NCAM1: variants seen among roughly 807,000 people sequenced by gnomAD.
NCAM1 encodes the protein neural cell adhesion molecule 1, also known as antigen recognized by monoclonal antibody 5.1H11.
Under a neutral mutation model 109.8 loss-of-function variants are expected in NCAM1, and 14 were observed. The observed-to-expected ratio is 0.13, with a 90% confidence interval of 0.08 to 0.20. NCAM1 has a LOEUF of 0.20. Among genes scored for constraint, NCAM1 ranks in the 10% least tolerant of loss-of-function variants. The pLI is 1.00. For synonymous variants in NCAM1, 418 were observed against 442.9 expected (o/e 0.94, Z 0.70); for missense variants, 774 against 1,109.9 (o/e 0.70, Z 4.30).
intron 1 of NCAM1, among the ~76,000 whole-genome samples, chr11:113,057,441 T>C (rs533911725): frequency 2.0e-5 from 3 of 151,978 alleles, no homozygotes; most frequent in Admixed American, 6.6e-5. Flanking sequence ...AAGGGGACCA[T>C]GGAAGAATTT....
chr11:113,236,249 G>T, intron 14 of NCAM1: 4 of 1,595,358 alleles, frequency 2.5e-6, no homozygotes, highest in Admixed American at 3.4e-5. Context: ...TTTTTCTTGG[G>T]TCTGTCTCTT....
At chr11:113,118,311 T>A (rs1307581242) in intron 1 of NCAM1, among the ~76,000 whole-genome samples, 2 of 151,956 alleles carry the variant, frequency 1.3e-5, no homozygotes, top group East Asian at 3.9e-4. Flanking sequence ...AGCTGTTCTT[T>A]TAGCCTGACA....
At chr11:113,220,573 A>G (rs1944656320) in intron 8 of NCAM1, among the ~76,000 whole-genome samples, 1 of 149,454 alleles carries the variant, frequency 6.7e-6, no homozygotes, top group Non-Finnish European at 1.5e-5. Flanking sequence ...AAATCCAAAG[A>G]AGGAGACCTA....
At chr11:113,181,718 G>T (rs1943340150) in intron 1 of NCAM1, among the ~76,000 whole-genome samples, 1 of 152,158 alleles carries the variant, frequency 6.6e-6, no homozygotes, top group Non-Finnish European at 1.5e-5. Context: ...TTACTATGTG[G>T]TTGTAATCCA....
intron 17 of NCAM1, 34 bp downstream of exon 17, chr11:113,260,357 T>C: frequency 6.3e-7 from 1 of 1,599,520 alleles, no homozygotes; most frequent in Non-Finnish European, 8.5e-7. Flanking sequence ...TTGTTTCCGC[T>C]TTGAATTAAT....
intron 14 of NCAM1, among the ~76,000 whole-genome samples, chr11:113,245,296 G>T (rs747115314): frequency 6.6e-6 from 1 of 152,150 alleles, no homozygotes; most frequent in Admixed American, 6.5e-5. Flanking sequence ...AGAAAAATTA[G>T]CTGGGTATAG....
At chr11:113,237,571 C>T (rs1476447744) in intron 14 of NCAM1, among the ~76,000 whole-genome samples, 2 of 152,154 alleles carry the variant, frequency 1.3e-5, no homozygotes, top group African/African-American at 2.4e-5. Flanking sequence ...TAAGCAAGTT[C>T]GAGAGGAGCC....
intron 1 of NCAM1, among the ~76,000 whole-genome samples, chr11:113,199,789 A>T (rs1307004326): frequency 6.6e-6 from 1 of 151,230 alleles, no homozygotes; most frequent in African/African-American, 2.4e-5. Context: ...ATAATAATAA[A>T]AAAAAGAATA....
At chr11:113,183,364 G>C (rs1371760743) in intron 1 of NCAM1, among the ~76,000 whole-genome samples, 2 of 152,100 alleles carry the variant, frequency 1.3e-5, no homozygotes, top group Non-Finnish European at 2.9e-5. Context: ...AGATTGACCA[G>C]GCATTGCCAT....
intron 7 of NCAM1, among the ~76,000 whole-genome samples, chr11:113,212,612 T>G (rs1306091184): frequency 6.6e-6 from 1 of 152,228 alleles, no homozygotes; most frequent in Admixed American, 6.5e-5. Context: ...AAACAACTGT[T>G]GAGTTTAGCG....
chr11:113,174,785 G>A (rs1197312935), intron 1 of NCAM1, among the ~76,000 whole-genome samples: 1 of 152,212 alleles, frequency 6.6e-6, no homozygotes, highest in Non-Finnish European at 1.5e-5. Context: ...AGAGCAGGAA[G>A]CAACATGGAA....
chr11:113,039,940 A>G (rs782401673), intron 1 of NCAM1, among the ~76,000 whole-genome samples: 4 of 152,204 alleles, frequency 2.6e-5, no homozygotes, highest in Non-Finnish European at 4.4e-5. Context: ...CAGGAGTTCG[A>G]GACCAGCCTG....
At chr11:113,219,828 T>C (rs1944633516) in intron 8 of NCAM1, among the ~76,000 whole-genome samples, 1 of 152,226 alleles carries the variant, frequency 6.6e-6, no homozygotes, top group African/African-American at 2.4e-5. Flanking sequence ...TTCTAAGTGA[T>C]GTGGAATTGG....
chr11:113,212,437 A>C (rs1353352369), intron 7 of NCAM1, among the ~76,000 whole-genome samples: 4 of 152,168 alleles, frequency 2.6e-5, no homozygotes, highest in African/African-American at 9.7e-5. Context: ...GCCAAATATT[A>C]ATAGATGGCA....
chr11:113,106,189 T>C (rs1940152010), intron 1 of NCAM1, among the ~76,000 whole-genome samples: 1 of 152,214 alleles, frequency 6.6e-6, no homozygotes, highest in Non-Finnish European at 1.5e-5. Context: ...TTCTAAATAT[T>C]ACCAGGTCTC....
At chr11:113,074,290 C>T (rs1232806182) in intron 1 of NCAM1, among the ~76,000 whole-genome samples, 1 of 152,156 alleles carries the variant, frequency 6.6e-6, no homozygotes, top group Non-Finnish European at 1.5e-5. Flanking sequence ...GATATTTTAA[C>T]ATGCATTGTG....
At chr11:113,236,772 C>G (rs1945180910) in intron 14 of NCAM1, among the ~76,000 whole-genome samples, 1 of 152,146 alleles carries the variant, frequency 6.6e-6, no homozygotes, top group Non-Finnish European at 1.5e-5. Context: ...TTCATATTTG[C>G]TTTTAGGAGA....
intron 1 of NCAM1, among the ~76,000 whole-genome samples, chr11:113,148,798 A>G (rs1366983795): frequency 6.6e-6 from 1 of 152,194 alleles, no homozygotes; most frequent in Non-Finnish European, 1.5e-5. Flanking sequence ...TCCAAGTCTC[A>G]GGAAAGCTGC....
At chr11:113,093,837 G>T in intron 1 of NCAM1, among the ~76,000 whole-genome samples, 1 of 152,276 alleles carries the variant, frequency 6.6e-6, no homozygotes, top group African/African-American at 2.4e-5. Flanking sequence ...CTCAGGAATG[G>T]CCTCCCATCC....
Sources: allele counts gnomAD v4.1 joint callset (sites outside exome capture counted in the v4.1 genomes callset), GRCh38; gene constraint gnomAD v4.1.1; transcripts MANE v1.5; gene names NCBI Gene and HGNC (gene_info 2026-07-23, HGNC 2026-07-21).